Variants in NBEA observed in about 807,000 individuals in gnomAD.
The protein encoded by NBEA is neurobeachin.
NBEA carries 44 observed loss-of-function variants against 343.4 expected under a neutral mutation model. That is an observed-to-expected ratio of 0.13 (90% confidence interval 0.10 to 0.16). The LOEUF (loss-of-function observed/expected upper bound fraction) is 0.16. Ranked by LOEUF, NBEA falls within the 10% of genes least tolerant of loss-of-function variation. The pLI is 1.00. For synonymous variants in NBEA, 1,175 were observed against 1,238.7 expected (o/e 0.95, Z 1.08); for missense variants, 2,555 against 3,631.3 (o/e 0.70, Z 7.62).
intron 5 of NBEA, 75 bp downstream of exon 5, chr13:35,048,759 C>T: frequency 1.2e-6 from 1 of 823,926 alleles, no homozygotes; most frequent in South Asian, 2.0e-5. Context: ...CTCAAGGCAA[C>T]TTAGATAGAA....
intron 38 of NBEA, among the ~76,000 whole-genome samples, chr13:35,418,857 G>T (rs117768013): frequency 0.03 from 4,514 of 151,988 alleles, 107 homozygotes; most frequent in Non-Finnish European, 0.045. Flanking sequence ...ACAAATTACA[G>T]GCTAAGTATT....
chr13:35,259,470 C>T (rs1326117712), intron 34 of NBEA, among the ~76,000 whole-genome samples: 2 of 152,058 alleles, frequency 1.3e-5, no homozygotes, highest in African/African-American at 4.8e-5. Flanking sequence ...TGGTCACTAA[C>T]ACTTTAAAAA....
chr13:35,525,303 G>A (rs1427730651), intron 41 of NBEA, among the ~76,000 whole-genome samples: 2 of 152,186 alleles, frequency 1.3e-5, no homozygotes, highest in Non-Finnish European at 2.9e-5. Context: ...TGTAATCCTA[G>A]CACTTTGGGA....
At chr13:35,484,234 ATGTG>A (rs397851790) in intron 41 of NBEA, among the ~76,000 whole-genome samples, 10,225 of 124,414 alleles carry the variant, frequency 0.082, 545 homozygotes, top group African/African-American at 0.15. Context: ...CTACATTAAT[ATGTG>A]TGTGTGTGTG....
In NBEA at chr13:35,173,491, T is replaced by C; in HGVS notation, c.4451T>C (p.Leu1484Ser). Residue 1484 changes from leucine (L) to serine (S), a missense_variant, in exon 27 of 59, where the codon TTA becomes TCA. Leu to Ser is a moderately radical substitution (Grantham distance 145). Transcript: ENST00000379939. ...LVCCVAVRNCLECRQRQRDRG... is the reference protein window; with the variant it reads ...LVCCVAVRNCSECRQRQRDRG... ...TGTTGTGTTGCTGTGAGAAACTGTTTAGAATGTCGGCAAAGACAGAGAGAC... is the reference window on the plus strand; with the variant it reads ...TGTTGTGTTGCTGTGAGAAACTGTTCAGAATGTCGGCAAAGACAGAGAGAC... 2 of 1,610,146 alleles carry C rather than the reference T, an allele frequency of 1.2e-6. No homozygotes were observed. Among genetic ancestry groups the C allele is most frequent in the Non-Finnish European group, 1.7e-6 (2 of 1,177,596 alleles).
intron 38 of NBEA, among the ~76,000 whole-genome samples, chr13:35,358,027 CT>C (rs1209548729): frequency 1.3e-5 from 2 of 151,858 alleles, no homozygotes; most frequent in Non-Finnish European, 2.9e-5. Flanking sequence ...ACAGATAATT[CT>C]TTTTTTCAAT....
In NBEA at chr13:35,058,821, A is replaced by C. The variant is rs572657326; in HGVS notation, c.1197A>C (p.Pro399=). The change falls in exon 8 of 59, where the codon CCA becomes CCC. Residue 399 remains proline, a synonymous_variant. Transcript: ENST00000379939. ...ATGTGTTCAGTGAAGCACTCAACCC[A>C]GCACAGATATTTGCAATTCATCAGT... ...AVYVFSEALN[P]AQIFAIHQLG... 242 of 1,607,756 alleles carry C rather than the reference A, an allele frequency of 1.5e-4. No homozygotes were observed. The highest frequency in any genetic ancestry group is 4.4e-4 in the Admixed American group (26 of 59,290).
chr13:35,064,400 A>G lies in NBEA; in HGVS notation c.1240-5508A>G, dbSNP rs548512707. Among the ~76,000 whole-genome samples, 4 of 152,198 alleles carry G rather than the reference A, an allele frequency of 2.6e-5. No individual in the cohort carries two copies. In the South Asian group the frequency reaches 8.3e-4, roughly 32 times the overall value. ...CCTTTCTTCTTCATTGAGGATACTGATTGTCAAATAGACACAGGATAATAG... is the reference window on the plus strand; with the variant it reads ...CCTTTCTTCTTCATTGAGGATACTGGTTGTCAAATAGACACAGGATAATAG... On this transcript the variant is annotated intron_variant, in intron 8 of 58. Coordinates refer to ENST00000379939, the MANE Select transcript of NBEA (RefSeq NM_001385012.1).
intron 34 of NBEA, among the ~76,000 whole-genome samples, chr13:35,272,055 C>G (rs1017221815): frequency 6.6e-6 from 1 of 152,094 alleles, no homozygotes; most frequent in Non-Finnish European, 1.5e-5. Flanking sequence ...ACATAATTGA[C>G]AGAATCACCA....
chr13:35,210,987 T>C (rs529849381), intron 32 of NBEA, 66 bp from the exon 33 acceptor site: 1 of 1,454,540 alleles, frequency 6.9e-7, no homozygotes, highest in African/African-American at 1.4e-5. Context: ...CAGATAGTAA[T>C]GGTGTAATTA....
chr13:35,494,319 CA>C (rs1487861102), intron 41 of NBEA, among the ~76,000 whole-genome samples: 1 of 151,862 alleles, frequency 6.6e-6, no homozygotes. Context: ...ACAATGGTAA[CA>C]AAAATGTGAT....
At chr13:35,432,476 G>A (rs149160912) in intron 39 of NBEA, 83 bp downstream of exon 39, 168 of 1,269,480 alleles carry the variant, frequency 1.3e-4, no homozygotes, top group African/African-American at 8.8e-4. Context: ...TTTTTTTTTC[G>A]CTAGTATTTA....
intron 34 of NBEA, among the ~76,000 whole-genome samples, chr13:35,246,614 GCA>G (rs757634450): frequency 4.6e-5 from 7 of 152,106 alleles, no homozygotes; most frequent in Non-Finnish European, 8.8e-5. Context: ...AGGTTTGTTT[GCA>G]CAGAGTCCTG....
chr13:35,164,394 A>G lies in NBEA; in HGVS notation c.4118A>G (p.Asn1373Ser). The G allele has an allele frequency of 6.3e-7, 1 of 1,590,866 alleles. No homozygotes were observed. The highest frequency in any genetic ancestry group is 8.6e-7 in the Non-Finnish European group (1 of 1,166,564). Residue 1373 changes from asparagine (N) to serine (S), a missense_variant, in exon 24 of 59, where the codon AAT becomes AGT. Coordinates refer to ENST00000379939, the MANE Select transcript of NBEA (RefSeq NM_001385012.1). ...TCTGTAATGGATTTTGTCAATAGCA[A>G]TGAAAATATTATTTTTGTACATAAC... The part of the protein sequence containing the change: ...TKSVMDFVNS[N>S]ENIIFVHNTI...
At chr13:35,530,867 A>G (rs1178113227) in intron 41 of NBEA, among the ~76,000 whole-genome samples, 2 of 152,198 alleles carry the variant, frequency 1.3e-5, no homozygotes, top group Non-Finnish European at 2.9e-5. Context: ...AACAGTCTAC[A>G]CTGTCAAATA....
intron 33 of NBEA, among the ~76,000 whole-genome samples, chr13:35,213,905 C>T (rs1222273425): frequency 2.6e-5 from 4 of 151,972 alleles, no homozygotes; most frequent in Non-Finnish European, 5.9e-5. Flanking sequence ...TTGTTATTCA[C>T]TCCTATCTCT....
At position 35,277,622 on chromosome 13, in the gene NBEA, CAAAAAAAAAAAAAA is replaced by C. The variant is rs10603160; in HGVS notation, c.5777-12754_5777-12741del. Among the ~76,000 whole-genome samples, 200 of 49,912 alleles carry C rather than the reference CAAAAAAAAAAAAAA, an allele frequency of 4.0e-3. 3 individuals carry two copies. The highest frequency in any genetic ancestry group is 0.015 in the African/African-American group (194 of 13,074). The allele number at this position is 49,912 out of a possible 152,430, so 32.7% of individuals were successfully genotyped here. A position where few individuals can be genotyped will look rare whatever the true frequency, so the allele number is the denominator to read the frequency against. On this transcript the variant is annotated intron_variant, in intron 34 of 58. Coordinates refer to ENST00000379939, the MANE Select transcript of NBEA (RefSeq NM_001385012.1). ...GGCAACAAGAAAGAAACTCCGTCTC[CAAAAAAAAAAAAAA>C]AAAAAAAAAAAAGTGGGGGAAACAA...
At chr13:35,369,005 C>T (rs1184480503) in intron 38 of NBEA, among the ~76,000 whole-genome samples, 2 of 151,572 alleles carry the variant, frequency 1.3e-5, no homozygotes, top group African/African-American at 2.4e-5. Flanking sequence ...ATCAGTGCTC[C>T]GAAGTGTTTG....
chr13:35,079,880 G>A (rs1048908420), intron 10 of NBEA, among the ~76,000 whole-genome samples: 6 of 151,860 alleles, frequency 4.0e-5, no homozygotes, highest in Non-Finnish European at 5.9e-5. Context: ...TCATTTTCAC[G>A]TAATTCATGG....
Sources: gnomAD v4.1 joint callset for allele counts (sites outside exome capture counted in the v4.1 genomes callset) on GRCh38, gnomAD v4.1.1 for gene constraint, MANE v1.5 for transcripts, NCBI Gene and HGNC (gene_info 2026-07-23, HGNC 2026-07-21) for gene names.